NBEA: variants seen among roughly 807,000 people sequenced by gnomAD.
The protein encoded by NBEA is neurobeachin, also known as lysosomal-trafficking regulator 2.
NBEA carries 44 observed loss-of-function variants against 343.4 expected under a neutral mutation model. The ratio of observed to expected loss-of-function variants is 0.13; its 90% CI spans 0.10 to 0.16. The LOEUF (loss-of-function observed/expected upper bound fraction) is 0.16, where lower values mean the gene tolerates loss of function less well. NBEA is among the 10% of genes least tolerant of loss of function. The pLI is 1.00. For synonymous variants in NBEA, 1,175 were observed against 1,238.7 expected (o/e 0.95, Z 1.08); for missense variants, 2,555 against 3,631.3 (o/e 0.70, Z 7.62).
intron 33 of NBEA, among the ~76,000 whole-genome samples, chr13:35,231,767 G>T (rs2074987845): frequency 2.0e-5 from 3 of 151,996 alleles, no homozygotes; most frequent in African/African-American, 7.3e-5. Context: ...ATAGAGCCAG[G>T]ATTCTAGTCT....
intron 31 of NBEA, among the ~76,000 whole-genome samples, chr13:35,197,976 A>G (rs2072744370): frequency 1.3e-5 from 2 of 152,216 alleles, no homozygotes. Flanking sequence ...GAGAGTAGTA[A>G]GAAGATGTTT....
At chr13:35,397,519 T>A (rs1037962889) in intron 38 of NBEA, among the ~76,000 whole-genome samples, 3 of 152,018 alleles carry the variant, frequency 2.0e-5, no homozygotes, top group Admixed American at 6.6e-5. Context: ...GGGCAGAGAC[T>A]TTTTTTTACT....
intron 1 of NBEA, among the ~76,000 whole-genome samples, chr13:34,955,283 T>A (rs2059457459): frequency 6.6e-6 from 1 of 151,982 alleles, no homozygotes. Context: ...TTAATCCTAA[T>A]CTAGTGTGCT....
At chr13:35,537,860 T>C (rs992287029) in intron 41 of NBEA, among the ~76,000 whole-genome samples, 1 of 152,226 alleles carries the variant, frequency 6.6e-6, no homozygotes. Flanking sequence ...TGTGCACCAC[T>C]AACCCCATCC....
intron 1 of NBEA, among the ~76,000 whole-genome samples, chr13:34,987,850 A>T (rs1388306641): frequency 3.3e-5 from 5 of 151,074 alleles, no homozygotes; most frequent in African/African-American, 1.2e-4. Context: ...CCATCAGGTC[A>T]TTTAAATTCT....
At chr13:35,402,946 G>A (rs771394272) in intron 38 of NBEA, among the ~76,000 whole-genome samples, 11 of 152,000 alleles carry the variant, frequency 7.2e-5, no homozygotes, top group Non-Finnish European at 1.2e-4. Flanking sequence ...TTCTTAAAAA[G>A]TGATGCTTTT....
Position 35,152,055 on chromosome 13 carries a change from A to G in NBEA, c.2446-3719A>G, listed in dbSNP as rs368829683. Among the ~76,000 whole-genome samples the G allele has an allele frequency of 6.6e-5, 10 of 152,222 alleles. No homozygotes were observed. The East Asian group carries it at 1.4e-3, about 21-fold the overall frequency. ...TTCATTGTGATATTATTTTTGCTTT[A>G]TGGGTTCTCTTTGCATACTCTTCCC... On this transcript the variant is annotated intron_variant, in intron 18 of 58. Transcript: ENST00000379939.
intron 46 of NBEA, among the ~76,000 whole-genome samples, chr13:35,588,390 A>G (rs543907267): frequency 6.6e-6 from 1 of 152,230 alleles, no homozygotes; most frequent in South Asian, 2.1e-4. Context: ...TTGGGTCACT[A>G]AGAATTTGTT....
intron 34 of NBEA, among the ~76,000 whole-genome samples, chr13:35,262,586 A>G (rs2033304017): frequency 6.6e-6 from 1 of 152,210 alleles, no homozygotes; most frequent in South Asian, 2.1e-4. Flanking sequence ...AAAAAGTTAC[A>G]TATTGTGTAT....
chr13:34,999,945 A>G (rs1222346106), intron 1 of NBEA, among the ~76,000 whole-genome samples: 1 of 152,174 alleles, frequency 6.6e-6, no homozygotes, highest in East Asian at 1.9e-4. Context: ...TGTGATGCCC[A>G]TCATCCGTCG....
chr13:35,081,761 T>G (rs998195805), intron 10 of NBEA, among the ~76,000 whole-genome samples: 6 of 152,154 alleles, frequency 3.9e-5, no homozygotes, highest in Admixed American at 1.3e-4. Context: ...TAAGAGTATT[T>G]TTTTCTTTTC....
chr13:35,385,632 G>C (rs565650883), intron 38 of NBEA, among the ~76,000 whole-genome samples: 25 of 152,270 alleles, frequency 1.6e-4, no homozygotes, highest in African/African-American at 5.5e-4. Context: ...GGGCCCAGGA[G>C]TACGAGGCTG....
intron 41 of NBEA, among the ~76,000 whole-genome samples, chr13:35,541,257 A>G (rs886990980): frequency 6.0e-5 from 9 of 150,394 alleles, no homozygotes; most frequent in African/African-American, 2.2e-4. Flanking sequence ...TCTGCTTGGT[A>G]CTTCCTTTTT....
chr13:35,185,837 T>C (rs1440973852), intron 30 of NBEA: 1 of 152,166 alleles, frequency 6.6e-6, no homozygotes, highest in Non-Finnish European at 1.5e-5. Context: ...ATAACTGTTA[T>C]TGCATGCTGT....
At chr13:35,199,231 A>G (rs1216279209) in intron 31 of NBEA, among the ~76,000 whole-genome samples, 1 of 152,168 alleles carries the variant, frequency 6.6e-6, no homozygotes, top group African/African-American at 2.4e-5. Context: ...TAAGGTAGCT[A>G]TAATTACATT....
intron 34 of NBEA, 111 bp downstream of exon 34, chr13:35,232,730 A>G (rs2075040675): frequency 1.3e-6 from 1 of 796,638 alleles, no homozygotes; most frequent in East Asian, 3.3e-5. Flanking sequence ...TAAAGGCATT[A>G]CTTCACAAAT....
chr13:35,344,171 CTT>C (rs1254897890), intron 36 of NBEA, among the ~76,000 whole-genome samples: 1 of 151,968 alleles, frequency 6.6e-6, no homozygotes, highest in Admixed American at 6.6e-5. Flanking sequence ...ATTTTGAACA[CTT>C]AACATATTTC....
At chr13:35,588,980 C>T (rs1365429662) in intron 46 of NBEA, among the ~76,000 whole-genome samples, 1 of 151,998 alleles carries the variant, frequency 6.6e-6, no homozygotes, top group African/African-American at 2.4e-5. Context: ...CATAATGTGT[C>T]TTTAAAAGTA....
At chr13:35,459,344 G>A (rs1476134209) in intron 40 of NBEA, among the ~76,000 whole-genome samples, 1 of 152,056 alleles carries the variant, frequency 6.6e-6, no homozygotes, top group East Asian at 1.9e-4. Context: ...GTGGAAGAGG[G>A]GGCATTATGT....
Sources: allele counts gnomAD v4.1 joint callset (sites outside exome capture counted in the v4.1 genomes callset), GRCh38; gene constraint gnomAD v4.1.1; transcripts MANE v1.5; gene names NCBI Gene and HGNC (gene_info 2026-07-23, HGNC 2026-07-21).